LYPLAL1: variants seen among roughly 807,000 people sequenced by gnomAD.
The protein encoded by LYPLAL1 is lysophospholipase-like protein 1.
LYPLAL1 carries 23 observed loss-of-function variants against 19.7 expected under a neutral mutation model. The observed-to-expected ratio is 1.17, with a 90% CI of 0.84 to 1.65. The LOEUF (loss-of-function observed/expected upper bound fraction) is 1.65. Ranked by LOEUF, LYPLAL1 falls within the 40% of genes most tolerant of loss-of-function variation. The probability of loss-of-function intolerance (pLI) is 0.00; values close to 1 mark genes in which losing one functional copy is unlikely to be tolerated. For synonymous variants in LYPLAL1, 119 were observed against 96.3 expected, an observed-to-expected ratio of 1.24 and a Z score of -1.38; for missense variants, 355 against 279.4, an observed-to-expected ratio of 1.27 and a Z score of -1.93.
chr1:219,316,218 T>C, the LYPLAL1 span, among the ~76,000 whole-genome samples: 2 of 152,312 alleles, frequency 1.3e-5, no homozygotes, highest in East Asian at 3.8e-4. Flanking sequence ...TTCTACATCC[T>C]CTTCATTCTG....
At chr1:219,175,204 G>A in intron 1 of LYPLAL1, 5 of 596,230 alleles carry the variant, frequency 8.4e-6, no homozygotes, top group Non-Finnish European at 1.1e-5. Context: ...AGAACCCAAA[G>A]CTCTCCGACC....
the LYPLAL1 span, chr1:219,435,122 G>A: frequency 3.3e-5 from 5 of 152,174 alleles, no homozygotes; most frequent in African/African-American, 4.8e-5. Context: ...AATCAAGTAG[G>A]GTGGAGCAGA....
downstream of LYPLAL1, among the ~76,000 whole-genome samples, chr1:219,216,007 G>A (rs529285272): frequency 1.3e-5 from 2 of 151,884 alleles, no homozygotes; most frequent in Non-Finnish European, 2.9e-5. Context: ...CCATGATATA[G>A]CTTTAAATTT....
At chr1:219,436,905 T>C in the LYPLAL1 span, among the ~76,000 whole-genome samples, 1,356 of 152,216 alleles carry the variant, frequency 8.9e-3, 22 homozygotes, top group African/African-American at 0.031. Flanking sequence ...TTTGCTTCAG[T>C]GTTTCAAAAA....
At chr1:219,368,803 T>A in the LYPLAL1 span, among the ~76,000 whole-genome samples, 2 of 152,210 alleles carry the variant, frequency 1.3e-5, no homozygotes, top group Non-Finnish European at 2.9e-5. Context: ...TATGTACAAT[T>A]CAAACTGTAA....
the LYPLAL1 span, among the ~76,000 whole-genome samples, chr1:219,407,093 T>C: frequency 6.6e-6 from 1 of 152,228 alleles, no homozygotes; most frequent in African/African-American, 2.4e-5. Context: ...GCAACCAGTA[T>C]GTCTGTTCCC....
the LYPLAL1 span, among the ~76,000 whole-genome samples, chr1:219,440,316 G>A: frequency 6.6e-6 from 1 of 151,872 alleles, no homozygotes; most frequent in African/African-American, 2.4e-5. Flanking sequence ...TACTACCTCT[G>A]CCCACTGAAA....
In LYPLAL1 at chr1:219,195,272, A is replaced by G. The variant is rs536676665; in HGVS notation, c.361+2021A>G. Among the ~76,000 whole-genome samples, 3 of 152,168 alleles carry G rather than the reference A, an allele frequency of 2.0e-5. No individual in the cohort carries two copies. The South Asian group carries it at 6.2e-4, about 32-fold the overall frequency. Reference sequence around the variant, plus strand: ...GATCATTAAATAATGTCTTCAAGTCATAAGAATTGTACTTTGAAAAACTAA... The same window carrying G: ...GATCATTAAATAATGTCTTCAAGTCGTAAGAATTGTACTTTGAAAAACTAA... On this transcript the variant is annotated intron_variant, in intron 3 of 4. Transcript: ENST00000366928.
the LYPLAL1 span, among the ~76,000 whole-genome samples, chr1:219,317,021 T>G: frequency 6.6e-6 from 1 of 152,192 alleles, no homozygotes; most frequent in Non-Finnish European, 1.5e-5. Context: ...AACTGTACAT[T>G]TTAAATGGCC....
chr1:219,292,181 C>T, the LYPLAL1 span, among the ~76,000 whole-genome samples: 17 of 152,234 alleles, frequency 1.1e-4, no homozygotes, highest in Non-Finnish European at 1.6e-4. Context: ...TCTCAGCTGA[C>T]GGGACAGGTG....
chr1:219,390,973 G>C, the LYPLAL1 span, among the ~76,000 whole-genome samples: 1 of 152,066 alleles, frequency 6.6e-6, no homozygotes, highest in Non-Finnish European at 1.5e-5. Flanking sequence ...AGAATGGGAT[G>C]ACTGAAACAC....
the LYPLAL1 span, among the ~76,000 whole-genome samples, chr1:219,413,113 A>G: frequency 1.3e-5 from 2 of 152,284 alleles, no homozygotes; most frequent in South Asian, 4.1e-4. Context: ...AATGGAACTC[A>G]TGTGTTGAAG....
At chr1:219,382,350 C>T in the LYPLAL1 span, among the ~76,000 whole-genome samples, 1 of 152,062 alleles carries the variant, frequency 6.6e-6, no homozygotes, top group South Asian at 2.1e-4. Context: ...TCCAAGTTGC[C>T]ACTTTTTTTG....
At chr1:219,334,996 C>G in the LYPLAL1 span, among the ~76,000 whole-genome samples, 1 of 151,846 alleles carries the variant, frequency 6.6e-6, no homozygotes. Flanking sequence ...CCCATACTTG[C>G]ACTCATGGTT....
the LYPLAL1 span, among the ~76,000 whole-genome samples, chr1:219,321,502 A>T: frequency 1.3e-5 from 2 of 152,176 alleles, no homozygotes; most frequent in Non-Finnish European, 2.9e-5. Context: ...TGTTTTAGAC[A>T]TGAAGTCCTT....
the LYPLAL1 span, among the ~76,000 whole-genome samples, chr1:219,293,078 C>T: frequency 4.6e-5 from 7 of 152,162 alleles, no homozygotes; most frequent in Admixed American, 2.6e-4. Flanking sequence ...AGTTCTACTG[C>T]GTCTGATCAA....
intron 1 of LYPLAL1, among the ~76,000 whole-genome samples, chr1:219,174,510 T>C (rs965479614): frequency 6.6e-6 from 1 of 152,190 alleles, no homozygotes; most frequent in Non-Finnish European, 1.5e-5. Flanking sequence ...CTCACTTTCC[T>C]TTTTGCTGCT....
At chr1:219,251,697 G>C in the LYPLAL1 span, among the ~76,000 whole-genome samples, 1 of 152,034 alleles carries the variant, frequency 6.6e-6, no homozygotes, top group Non-Finnish European at 1.5e-5. Flanking sequence ...AGTATAGTTG[G>C]AAGTTGCATA....
the LYPLAL1 span, among the ~76,000 whole-genome samples, chr1:219,347,721 T>C: frequency 6.6e-6 from 1 of 152,234 alleles, no homozygotes; most frequent in African/African-American, 2.4e-5. Flanking sequence ...TTCTCACATG[T>C]CCTGCCATCC....
Sources: allele counts gnomAD v4.1 joint callset (sites outside exome capture counted in the v4.1 genomes callset), GRCh38; gene constraint gnomAD v4.1.1; transcripts MANE v1.5; gene names NCBI Gene and HGNC (gene_info 2026-07-23, HGNC 2026-07-21).